GPX8: variants seen among roughly 807,000 people sequenced by gnomAD.
GPX8 encodes protein peroxidase GPX8.
GPX8 carries 12 observed loss-of-function variants against 17.8 expected under a neutral mutation model. The observed-to-expected ratio is 0.67, with a 90% CI of 0.43 to 1.09. GPX8 has a LOEUF of 1.09. Among genes scored for constraint, GPX8 ranks in the 50% least tolerant of loss-of-function variants. GPX8 has a pLI of 0.00. For missense variants in GPX8, 209 were observed against 235.6 expected (o/e 0.89, Z 0.74); for synonymous variants, 86 against 88.1 (o/e 0.98, Z 0.14).
chr5:55,164,907 T>C lies in GPX8; in HGVS notation c.*689T>C, dbSNP rs565336802. 6.6e-6 allele frequency: 1 copy of C among 152,292 alleles called. No individual in the cohort carries two copies. The highest frequency in any genetic ancestry group is 1.9e-4 in the East Asian group (1 of 5,178). The allele number at this position is 152,292 out of a possible 1,614,324, so 9.4% of individuals were successfully genotyped here. A position where few individuals can be genotyped will look rare whatever the true frequency, so the allele number is the denominator to read the frequency against. ...GACCGTATTATAACATTTGAAAAAG[T>C]CTTCATCATTTTCAGTATTTCTCTC... On this transcript the variant is annotated 3_prime_UTR_variant, in exon 3 of 3. Transcript: ENST00000503787.
chr5:55,164,177 C>A lies in GPX8; in HGVS notation c.589C>A (p.Leu197Met). Residue 197 changes from leucine to methionine, a missense_variant, in exon 3 of 3, where the codon CTG becomes ATG. Leu to Met is a conservative substitution (Grantham distance 15). Transcript: ENST00000503787. The stretch of plus-strand genomic sequence containing the variant: ...AGTCATCAGGCCTGACATAGCAGCT[C>A]TGGTTAGACAAGTGATCATAAAAAA... ...IEVIRPDIAA[L>M]VRQVIIKKKE... The A allele has an allele frequency of 6.3e-7, 1 of 1,586,248 alleles. No homozygotes were observed. The highest frequency in any genetic ancestry group is 8.6e-7 in the Non-Finnish European group (1 of 1,162,912).
chr5:55,161,089 C>T lies in GPX8; in HGVS notation c.300C>T (p.His100=). The part of the protein sequence containing the change: ...KELHKEFGPS[H]FSVLAFPCNQ... ...TGCACAAAGAGTTTGGACCATCCCA[C>T]TTCAGCGTGTTGGCTTTTCCCTGCA... The change falls in exon 2 of 3, where the codon CAC becomes CAT. Residue 100 remains histidine, a synonymous_variant. Coordinates refer to ENST00000503787, the MANE Select transcript of GPX8 (RefSeq NM_001008397.4). 13 of 1,614,226 alleles carry T rather than the reference C, an allele frequency of 8.1e-6. No homozygotes were observed. The highest frequency in any genetic ancestry group is 1.0e-5 in the Non-Finnish European group (12 of 1,180,042).
Position 55,165,197 on chromosome 5 carries a change from G to A in GPX8, c.*979G>A, listed in dbSNP as rs1011131673. 6.6e-6 allele frequency: 1 copy of A among 152,182 alleles called. No homozygotes were observed. Among genetic ancestry groups the A allele is most frequent in the Non-Finnish European group, 1.5e-5 (1 of 68,026 alleles). The allele number at this position is 152,182 out of a possible 1,614,324, so 9.4% of individuals were successfully genotyped here. A position where few individuals can be genotyped will look rare whatever the true frequency, so the allele number is the denominator to read the frequency against. ...GCCTAAATTCTAGTATAAAAAGGGGGTGATCATACAAGTCCTAAAGTGTAG... is the reference window on the plus strand; with the variant it reads ...GCCTAAATTCTAGTATAAAAAGGGGATGATCATACAAGTCCTAAAGTGTAG... On this transcript the variant is annotated 3_prime_UTR_variant, in exon 3 of 3. Transcript: ENST00000503787.
intron 1 of GPX8, 28 bp downstream of exon 1, chr5:55,160,424 T>C: frequency 1.3e-6 from 2 of 1,561,462 alleles, no homozygotes; most frequent in Non-Finnish European, 1.8e-6. Flanking sequence ...ATTTTTATTG[T>C]TATCATTTTT....
Position 55,160,181 on chromosome 5 carries a change from G to C in GPX8, c.-12G>C. 1 of 1,609,258 alleles carries C rather than the reference G, an allele frequency of 6.2e-7. No homozygotes were observed. Among genetic ancestry groups the C allele is most frequent in the Non-Finnish European group, 8.5e-7 (1 of 1,175,700 alleles). On this transcript the variant is annotated 5_prime_UTR_variant, in exon 1 of 3. Transcript: ENST00000503787. ...TCCAGGCTGCTGAGACTTCCCTCTA[G>C]AATCCTCCAACATGGAGCCTCTTGC...
chr5:55,160,468 A>G, intron 1 of GPX8, 72 bp downstream of exon 1: 1 of 1,264,712 alleles, frequency 7.9e-7, no homozygotes, highest in Non-Finnish European at 1.1e-6. Context: ...AATAAAATCA[A>G]TTTTTTGCTG....
At chr5:55,162,360 A>C (rs1215654437) in intron 2 of GPX8, among the ~76,000 whole-genome samples, 1 of 152,176 alleles carries the variant, frequency 6.6e-6, no homozygotes, top group South Asian at 2.1e-4. Context: ...GCGCTACTGC[A>C]CTCCAGCCTG....
intron 1 of GPX8, 94 bp downstream of exon 1, chr5:55,160,490 T>C (rs960485660): frequency 2.2e-6 from 2 of 909,578 alleles, no homozygotes; most frequent in Non-Finnish European, 1.7e-6. Flanking sequence ...TACATGGTCA[T>C]AAGTTGGAAT....
Position 55,166,931 on chromosome 5 carries a change from G to C in GPX8, c.*2713G>C, listed in dbSNP as rs1744423398. 1 of 152,252 alleles carries C rather than the reference G, an allele frequency of 6.6e-6. No individual in the cohort carries two copies. The allele number at this position is 152,252 out of a possible 1,614,324, so 9.4% of individuals were successfully genotyped here. ...TGTAATCCCAGCTACCTGGGAGGCT[G>C]AGTCAGAAGAATCACTTGAAAACAG... On this transcript the variant is annotated 3_prime_UTR_variant, in exon 3 of 3. Transcript: ENST00000503787.
chr5:55,160,509 C>A, intron 1 of GPX8, 113 bp downstream of exon 1: 1 of 730,190 alleles, frequency 1.4e-6, no homozygotes, highest in Non-Finnish European at 2.3e-6. Context: ...ATTTAGTCTT[C>A]AGAGTAATGG....
At position 55,165,153 on chromosome 5, in the gene GPX8, T is replaced by C. The variant is rs1744312752; in HGVS notation, c.*935T>C. 3 of 152,196 alleles carry C rather than the reference T, an allele frequency of 2.0e-5. No homozygotes were observed. In the South Asian group the frequency reaches 6.2e-4, roughly 32 times the overall value. The allele number at this position is 152,196 out of a possible 1,614,324, so 9.4% of individuals were successfully genotyped here. A position where few individuals can be genotyped will look rare whatever the true frequency, so the allele number is the denominator to read the frequency against. ...TGCATCATTCTGATAGCTGAAATAG[T>C]AAAAGTCAACTCCAAACAGCCTAAA... On this transcript the variant is annotated 3_prime_UTR_variant, in exon 3 of 3. Transcript: ENST00000503787.
intron 1 of GPX8, 86 bp downstream of exon 1, chr5:55,160,482 C>G: frequency 9.7e-7 from 1 of 1,035,266 alleles, no homozygotes; most frequent in Non-Finnish European, 1.4e-6. Flanking sequence ...TTTGCTGTTA[C>G]ATGGTCATAA....
Position 55,161,089 on chromosome 5 carries a change from C to G in GPX8, c.300C>G (p.His100Gln), listed in dbSNP as rs1426614532. The G allele has an allele frequency of 1.2e-6, 2 of 1,614,226 alleles. No homozygotes were observed. The highest frequency in any genetic ancestry group is 1.1e-5 in the South Asian group (1 of 91,086). ...TGCACAAAGAGTTTGGACCATCCCA[C>G]TTCAGCGTGTTGGCTTTTCCCTGCA... The part of the protein sequence containing the change: ...KELHKEFGPS[H>Q]FSVLAFPCNQ... The change falls in exon 2 of 3, where the codon CAC becomes CAG. Residue 100 changes from histidine to glutamine, a missense_variant. Transcript: ENST00000503787.
chr5:55,162,952 A>C (rs1744165076), intron 2 of GPX8, among the ~76,000 whole-genome samples: 1 of 152,188 alleles, frequency 6.6e-6, no homozygotes, highest in Non-Finnish European at 1.5e-5. Context: ...TCAACCACTC[A>C]TTAGCCACGT....
chr5:55,160,693 T>C (rs555639993), intron 1 of GPX8: 2 of 453,848 alleles, frequency 4.4e-6, no homozygotes, highest in African/African-American at 2.0e-5. Context: ...TTAATAAAAG[T>C]ATTGGTTCTA....
At chr5:55,161,600 A>G (rs779118034) in intron 2 of GPX8, among the ~76,000 whole-genome samples, 19 of 152,234 alleles carry the variant, frequency 1.2e-4, no homozygotes, top group Non-Finnish European at 2.4e-4. Context: ...CCTTCCCGTC[A>G]TTATAGCCAC....
rs1469898623 is a variant in GPX8 at position 55,166,371 on chromosome 5, T to A, written c.*2153T>A. On this transcript the variant is annotated 3_prime_UTR_variant, in exon 3 of 3. Transcript: ENST00000503787. ...CATCTCTCTAATCTTGGCTGCCTTA[T>A]TCAACCTACAGACTCTATGTCAGTG... 1 of 152,262 alleles carries A rather than the reference T, an allele frequency of 6.6e-6. No individual in the cohort carries two copies. Among genetic ancestry groups the A allele is most frequent in the African/African-American group, 2.4e-5 (1 of 41,458 alleles). The allele number at this position is 152,262 out of a possible 1,614,324, so 9.4% of individuals were successfully genotyped here.
chr5:55,161,191 C>A lies in GPX8; in HGVS notation c.402C>A (p.Phe134Leu). The change falls in exon 2 of 3, where the codon TTC becomes TTA. Residue 134 changes from phenylalanine (F) to leucine (L), a missense_variant. By Grantham distance (22) the Phe-to-Leu change is conservative (BLOSUM62 0). Coordinates refer to ENST00000503787, the MANE Select transcript of GPX8 (RefSeq NM_001008397.4). ...CAAGAAAAAACTACGGAGTAACTTT[C>A]CCCATCTTCCACAAGATTAAGATTC... is the stretch of plus-strand genomic sequence containing the variant. ...SFARKNYGVTFPIFHKIKILG... is the reference protein window; with the variant it reads ...SFARKNYGVTLPIFHKIKILG... 15 of 1,614,100 alleles carry A rather than the reference C, an allele frequency of 9.3e-6. No homozygotes were observed. Among genetic ancestry groups the A allele is most frequent in the Non-Finnish European group, 1.3e-5 (15 of 1,179,944 alleles).
rs1258453729 is a variant in GPX8 at position 55,160,263 on chromosome 5, C to T, written c.71C>T (p.Ser24Phe). 1.2e-6 allele frequency: 2 copies of T among 1,613,662 alleles called. No individual in the cohort carries two copies. The highest frequency in any genetic ancestry group is 1.7e-6 in the Non-Finnish European group (2 of 1,179,692). The change falls in exon 1 of 3, where the codon TCT becomes TTT. Residue 24 changes from serine (S) to phenylalanine (F), a missense_variant. Physicochemically the swap from Ser to Phe is radical, Grantham distance 155. Coordinates refer to ENST00000503787, the MANE Select transcript of GPX8 (RefSeq NM_001008397.4). ...PRAKVFAVLL[S>F]IVLCTVTLFL... ...GCAAAGGTATTTGCAGTTTTGCTGTCTATAGTTCTATGCACAGTAACGCTA... is the reference window on the plus strand; with the variant it reads ...GCAAAGGTATTTGCAGTTTTGCTGTTTATAGTTCTATGCACAGTAACGCTA...
Sources: gnomAD v4.1 joint callset for allele counts (sites outside exome capture counted in the v4.1 genomes callset) on GRCh38, gnomAD v4.1.1 for gene constraint, MANE v1.5 for transcripts, NCBI Gene and HGNC (gene_info 2026-07-23, HGNC 2026-07-21) for gene names.